SMURF2: variants seen among roughly 807,000 people sequenced by gnomAD.
SMURF2 encodes the protein SMAD specific E3 ubiquitin protein ligase 2, also known as E3 ubiquitin-protein ligase SMURF2.
Under a neutral mutation model 109.6 loss-of-function variants are expected in SMURF2, and 48 were observed. That is an observed-to-expected ratio of 0.44 (90% CI 0.35 to 0.56). SMURF2 has a LOEUF of 0.56. SMURF2 is among the 20% of genes least tolerant of loss of function. The probability of loss-of-function intolerance (pLI) is 0.01; values close to 1 mark genes in which losing one functional copy is unlikely to be tolerated. For missense variants in SMURF2, 575 were observed against 909.0 expected (o/e 0.63, Z 4.72); for synonymous variants, 288 against 317.1 (o/e 0.91, Z 0.97).
intron 1 of SMURF2, among the ~76,000 whole-genome samples, chr17:64,610,335 T>C (rs534195633): frequency 2.0e-5 from 3 of 152,306 alleles, no homozygotes; most frequent in Admixed American, 6.5e-5. Context: ...CTATCCACAA[T>C]AGCAAAGACT....
intron 9 of SMURF2, among the ~76,000 whole-genome samples, chr17:64,573,252 GGGAGGAGGA>G (rs199836561): frequency 9.0e-5 from 2 of 22,232 alleles, no homozygotes; most frequent in Non-Finnish European, 1.4e-4. Context: ...GGAGGAGGAG[GGGAGGAGGA>G]GGAGGAGGAG....
chr17:64,630,717 C>A (rs1970326940), intron 1 of SMURF2, among the ~76,000 whole-genome samples: 2 of 152,138 alleles, frequency 1.3e-5, no homozygotes, highest in African/African-American at 4.8e-5. Flanking sequence ...TCAGAATTTG[C>A]CTCTCATTAG....
intron 1 of SMURF2, among the ~76,000 whole-genome samples, chr17:64,659,663 T>C (rs1970749500): frequency 6.6e-6 from 1 of 152,102 alleles, no homozygotes; most frequent in Non-Finnish European, 1.5e-5. Context: ...ATCCAGTCAG[T>C]CAAAACAATC....
intron 1 of SMURF2, among the ~76,000 whole-genome samples, chr17:64,644,482 A>C (rs1325338472): frequency 6.6e-6 from 1 of 151,600 alleles, no homozygotes; most frequent in Non-Finnish European, 1.5e-5. Flanking sequence ...TATAGTCCCA[A>C]CTACTCAGGA....
rs762759593 is a variant in SMURF2, at chr17:64,547,580, C to G, written c.2071+20G>C. ...CCGCCCCCACCCGCTGCCCAGCTTGCCTGCACCTCAGGCTGTTACCTTGCA... is the reference window on the plus strand; with the variant it reads ...CCGCCCCCACCCGCTGCCCAGCTTGGCTGCACCTCAGGCTGTTACCTTGCA... On this transcript the variant is annotated intron_variant, in intron 17 of 18. Coordinates refer to ENST00000262435, the MANE Select transcript of SMURF2 (RefSeq NM_022739.4). The surrounding 1 kb of genome is among the most constrained non-coding windows in gnomAD (Gnocchi z 4.2). The G allele has an allele frequency of 3.1e-6, 5 of 1,612,676 alleles. No homozygotes were observed. The highest frequency in any genetic ancestry group is 4.2e-6 in the Non-Finnish European group (5 of 1,178,890).
At chr17:64,549,804 C>T (rs1317726048) in intron 16 of SMURF2, among the ~76,000 whole-genome samples, 1 of 151,972 alleles carries the variant, frequency 6.6e-6, no homozygotes, top group Non-Finnish European at 1.5e-5. Context: ...AGTTTCATGA[C>T]CCATTAGCAG....
chr17:64,580,612 T>C (rs915462343), intron 8 of SMURF2, among the ~76,000 whole-genome samples, 177 bp downstream of exon 8: 5 of 152,218 alleles, frequency 3.3e-5, no homozygotes, highest in African/African-American at 1.2e-4. Flanking sequence ...GGTCAAACTG[T>C]TGGTTAGGTA....
chr17:64,593,655 C>G (rs142962899), intron 3 of SMURF2, 82 bp from the exon 4 acceptor site: 67 of 1,184,688 alleles, frequency 5.7e-5, no homozygotes, highest in Middle Eastern at 4.7e-4. Flanking sequence ...TTTTTATATT[C>G]TAAAGTTACT....
chr17:64,544,981 T>C lies in SMURF2; in HGVS notation c.*867A>G, dbSNP rs1306843402. 6.6e-6 allele frequency: 1 copy of C among 152,302 alleles called. No homozygotes were observed. The highest frequency in any genetic ancestry group is 2.4e-5 in the African/African-American group (1 of 41,366). The allele number at this position is 152,302 out of a possible 1,614,324, so 9.4% of individuals were successfully genotyped here. On this transcript the variant is annotated 3_prime_UTR_variant, in exon 19 of 19. Transcript: ENST00000262435. The stretch of plus-strand genomic sequence containing the variant: ...CGAAAATCCCATCCCATCCACATGC[T>C]CTGAGAAGCTATAAAAATGCAGTAT...
At chr17:64,583,804 A>G (rs1265077605) in intron 6 of SMURF2, among the ~76,000 whole-genome samples, 2 of 152,190 alleles carry the variant, frequency 1.3e-5, no homozygotes, top group Admixed American at 1.3e-4. Flanking sequence ...AATGTCAACA[A>G]TACACAATTA....
chr17:64,548,738 C>G (rs1027437001), intron 16 of SMURF2, among the ~76,000 whole-genome samples: 13 of 152,102 alleles, frequency 8.5e-5, no homozygotes, highest in Admixed American at 4.6e-4. Context: ...AATACATGAG[C>G]ACATTGATAC....
At chr17:64,600,190 T>C (rs782769999) in intron 2 of SMURF2, among the ~76,000 whole-genome samples, 2 of 152,126 alleles carry the variant, frequency 1.3e-5, no homozygotes, top group Non-Finnish European at 2.9e-5. Flanking sequence ...AGGGAAGTCA[T>C]GTGGAAAGGG....
In SMURF2 at chr17:64,562,869, G is replaced by A; in HGVS notation, c.1114C>T (p.Leu372=). 6.2e-7 allele frequency: 1 copy of A among 1,614,128 alleles called. No homozygotes were observed. The highest frequency in any genetic ancestry group is 8.5e-7 in the Non-Finnish European group (1 of 1,180,016). The change falls in exon 11 of 19, where the codon CTG becomes TTG. Residue 372 remains leucine (L), a synonymous_variant. Transcript: ENST00000262435. ...CGCAAAATTTTTAGTTTCTGAACCA[G>A]GTCTCGCTTGTACCTTGGGACTGTC... ...CLTVPRYKRD[L]VQKLKILRQE...
intron 5 of SMURF2, among the ~76,000 whole-genome samples, chr17:64,589,310 G>A (rs1969715702): frequency 6.6e-6 from 1 of 151,860 alleles, no homozygotes; most frequent in East Asian, 1.9e-4. Context: ...ACAGTAGTTG[G>A]CAAGCATTAT....
chr17:64,573,220 GGGGAGGAGGAGGA>G, intron 9 of SMURF2: 1 of 25,844 alleles, frequency 3.9e-5, no homozygotes, highest in African/African-American at 3.5e-4. Context: ...GGGAGGAGGA[GGGGAGGAGGAGGA>G]GGGGAGGAGG....
chr17:64,609,735 AC>A (rs782490233), intron 1 of SMURF2, among the ~76,000 whole-genome samples: 5 of 152,116 alleles, frequency 3.3e-5, no homozygotes, highest in Non-Finnish European at 5.9e-5. Context: ...TGACTAAAAC[AC>A]CAAACGCAAT....
At chr17:64,571,677 C>T in intron 10 of SMURF2, 121 bp downstream of exon 10, 1 of 1,083,078 alleles carries the variant, frequency 9.2e-7, no homozygotes, top group South Asian at 1.8e-5. Flanking sequence ...CCACGGCCTC[C>T]CAAAGCACTG....
chr17:64,652,888 CACTT>C lies in SMURF2; in HGVS notation c.52+8937_52+8940del, dbSNP rs1431650500. Among the ~76,000 whole-genome samples, 12 of 152,124 alleles carry C rather than the reference CACTT, an allele frequency of 7.9e-5. No individual in the cohort carries two copies. In the East Asian group the frequency reaches 1.2e-3, roughly 15 times the overall value. ...TATCCATATGAAAAAAAAATCATGA[CACTT>C]ACTTCTCACAGCATATTAAAAAATT... On this transcript the variant is annotated intron_variant, in intron 1 of 18. Coordinates refer to ENST00000262435, the MANE Select transcript of SMURF2 (RefSeq NM_022739.4).
chr17:64,547,885 TGCTG>T lies in SMURF2; in HGVS notation c.1870-88_1870-85del, dbSNP rs1968982076. The T allele has an allele frequency of 7.0e-6, 8 of 1,149,308 alleles. No individual in the cohort carries two copies. Among genetic ancestry groups the T allele is most frequent in the Middle Eastern group, 3.9e-4 (2 of 5,070 alleles). The allele number at this position is 1,149,308 out of a possible 1,614,324, so 71.2% of individuals were successfully genotyped here. A position where few individuals can be genotyped will look rare whatever the true frequency, so the allele number is the denominator to read the frequency against. On this transcript the variant is annotated intron_variant, in intron 16 of 18. Coordinates refer to ENST00000262435, the MANE Select transcript of SMURF2 (RefSeq NM_022739.4). The surrounding 1 kb of genome is among the most constrained non-coding windows in gnomAD (Gnocchi z 4.2). ...TCAAAAGAGAACTTTAGGTTTGTACTGCTGGCTGTCATTTGGTGGTTCCTAATTA... is the reference window on the plus strand; with the variant it reads ...TCAAAAGAGAACTTTAGGTTTGTACTGCTGTCATTTGGTGGTTCCTAATTA...
Sources: allele counts gnomAD v4.1 joint callset (sites outside exome capture counted in the v4.1 genomes callset), GRCh38; gene constraint gnomAD v4.1.1; non-coding constraint Gnocchi (gnomAD v3.1); transcripts MANE v1.5; gene names NCBI Gene and HGNC (gene_info 2026-07-23, HGNC 2026-07-21).